LRP1B: variants seen among roughly 807,000 people sequenced by gnomAD.
The protein encoded by LRP1B is LDL receptor related protein 1B.
Under a neutral mutation model 556.6 loss-of-function variants are expected in LRP1B, and 217 were observed. The ratio of observed to expected loss-of-function variants is 0.39; its 90% CI spans 0.35 to 0.44. LRP1B has a LOEUF of 0.44. LRP1B is among the 20% of genes least tolerant of loss of function. The pLI, the probability that LRP1B is intolerant of heterozygous loss-of-function variation, is 1.00. For missense variants in LRP1B, 5,053 were observed against 5,620.8 expected (o/e 0.90, Z 3.23); for synonymous variants, 2,047 against 1,865.8 (o/e 1.10, Z -2.50).
intron 3 of LRP1B, among the ~76,000 whole-genome samples, chr2:141,450,793 C>A (rs549924181): frequency 6.6e-6 from 1 of 152,010 alleles, no homozygotes; most frequent in East Asian, 1.9e-4. Context: ...ACTTTCAGTG[C>A]TAAAATAGAT....
intron 33 of LRP1B, among the ~76,000 whole-genome samples, chr2:140,771,235 T>C (rs537369897): frequency 4.9e-4 from 75 of 152,234 alleles, no homozygotes; most frequent in Admixed American, 4.3e-3. Flanking sequence ...GATTAATAGT[T>C]ACAGAAAAGC....
intron 14 of LRP1B, among the ~76,000 whole-genome samples, chr2:141,008,803 T>C (rs1558797467): frequency 6.6e-6 from 1 of 151,940 alleles, no homozygotes; most frequent in Non-Finnish European, 1.5e-5. Flanking sequence ...GTTAGCAGTT[T>C]GAATGACAAG....
chr2:140,989,687 A>C (rs1406288266), intron 16 of LRP1B, 30 bp from the exon 17 acceptor site: 1 of 1,607,844 alleles, frequency 6.2e-7, no homozygotes, highest in African/African-American at 1.3e-5. Context: ...AAGATTAATT[A>C]TTTAAAATTG....
intron 84 of LRP1B, among the ~76,000 whole-genome samples, chr2:140,278,152 G>A (rs568385296): frequency 2.0e-5 from 3 of 151,822 alleles, no homozygotes; most frequent in Non-Finnish European, 4.4e-5. Flanking sequence ...TTTATATAAG[G>A]TTCAAAAGTT....
At chr2:141,582,817 A>C (rs1275667060) in intron 2 of LRP1B, among the ~76,000 whole-genome samples, 3 of 147,668 alleles carry the variant, frequency 2.0e-5, no homozygotes, top group Non-Finnish European at 3.0e-5. Flanking sequence ...CTTGATAATA[A>C]CCTATTAAAC....
intron 18 of LRP1B, among the ~76,000 whole-genome samples, chr2:140,966,985 C>G (rs1262011561): frequency 6.6e-6 from 1 of 152,196 alleles, no homozygotes; most frequent in East Asian, 1.9e-4. Context: ...GTGATGCCTC[C>G]AGCTTTGTTC....
chr2:141,527,175 C>G (rs1418694304), intron 2 of LRP1B, among the ~76,000 whole-genome samples: 1 of 151,502 alleles, frequency 6.6e-6, no homozygotes, highest in Admixed American at 6.6e-5. Flanking sequence ...TGCTTTTTTC[C>G]AGGACAAGAC....
intron 2 of LRP1B, among the ~76,000 whole-genome samples, chr2:141,799,963 A>G (rs896147068): frequency 3.3e-5 from 5 of 152,204 alleles, no homozygotes; most frequent in African/African-American, 1.2e-4. Context: ...TTACCACAGT[A>G]ACATATATAC....
chr2:141,790,665 T>TA (rs143109378), intron 2 of LRP1B, among the ~76,000 whole-genome samples: 20,117 of 151,984 alleles, frequency 0.13, 1,457 homozygotes, highest in Non-Finnish European at 0.16. Context: ...CCTTTTGTAA[T>TA]AAAAAATCTA....
intron 18 of LRP1B, among the ~76,000 whole-genome samples, chr2:140,975,166 G>T (rs549922286): frequency 6.6e-6 from 1 of 152,124 alleles, no homozygotes; most frequent in African/African-American, 2.4e-5. Context: ...GCAACTTAAG[G>T]CTATGAGATA....
chr2:141,661,482 A>G (rs546573993), intron 2 of LRP1B, among the ~76,000 whole-genome samples: 2 of 152,356 alleles, frequency 1.3e-5, no homozygotes, highest in East Asian at 3.9e-4. Flanking sequence ...AGAAAGAAAC[A>G]TAAATGACCT....
intron 1 of LRP1B, among the ~76,000 whole-genome samples, chr2:142,046,166 G>A (rs1432611090): frequency 6.6e-6 from 1 of 151,908 alleles, no homozygotes; most frequent in African/African-American, 2.4e-5. Context: ...AGAAGAGTTA[G>A]GATGTTAGAC....
At chr2:140,236,786 A>G (rs11684746) in intron 89 of LRP1B, among the ~76,000 whole-genome samples, 21,630 of 150,882 alleles carry the variant, frequency 0.14, 1,994 homozygotes, top group East Asian at 0.32. Context: ...TATTTTGATA[A>G]TAAAGTACTG....
chr2:140,254,362 C>G (rs1206385748), intron 86 of LRP1B, among the ~76,000 whole-genome samples: 2 of 152,116 alleles, frequency 1.3e-5, no homozygotes, highest in Non-Finnish European at 2.9e-5. Flanking sequence ...TGAAAATATT[C>G]AATTCACTTT....
At chr2:140,842,428 T>C (rs1692138569) in intron 29 of LRP1B, among the ~76,000 whole-genome samples, 1 of 152,164 alleles carries the variant, frequency 6.6e-6, no homozygotes, top group Admixed American at 6.5e-5. Flanking sequence ...TAATCACAGT[T>C]GCCTTAGAAG....
chr2:140,502,825 C>T (rs1574011811), intron 54 of LRP1B, 138 bp downstream of exon 54: 1 of 761,138 alleles, frequency 1.3e-6, no homozygotes, highest in African/African-American at 1.7e-5. Flanking sequence ...TTACTAGTAC[C>T]CTGCATGGTG....
At chr2:141,502,287 G>C (rs1363446485) in intron 2 of LRP1B, among the ~76,000 whole-genome samples, 1 of 152,190 alleles carries the variant, frequency 6.6e-6, no homozygotes, top group Non-Finnish European at 1.5e-5. Context: ...AAGACAAATA[G>C]TTTAGCTATA....
intron 3 of LRP1B, among the ~76,000 whole-genome samples, chr2:141,394,004 T>C (rs1297512562): frequency 1.3e-5 from 2 of 152,160 alleles, no homozygotes; most frequent in African/African-American, 4.8e-5. Flanking sequence ...TTTGTCTTAA[T>C]TATTAGATTT....
chr2:140,502,702 G>T (rs1021752441), intron 54 of LRP1B, among the ~76,000 whole-genome samples: 2 of 151,894 alleles, frequency 1.3e-5, no homozygotes, highest in Non-Finnish European at 2.9e-5. Context: ...AAGATATAAT[G>T]AATTTTTGGC....
Sources: gnomAD v4.1 joint callset for allele counts (sites outside exome capture counted in the v4.1 genomes callset) on GRCh38, gnomAD v4.1.1 for gene constraint, MANE v1.5 for transcripts, NCBI Gene and HGNC (gene_info 2026-07-23, HGNC 2026-07-21) for gene names.